The following RASEF variants were observed in gnomAD, a reference collection of about 807,000 sequenced individuals.
RASEF encodes RAS and EF-hand domain containing.
In RASEF, 68 loss-of-function variants were observed where a neutral mutation model predicts 90.1. The observed-to-expected ratio is 0.75, with a 90% CI of 0.62 to 0.92. The LOEUF is 0.92. Ranked by LOEUF, RASEF falls within the 40% of genes least tolerant of loss-of-function variation. The pLI, the probability that RASEF is intolerant of heterozygous loss-of-function variation, is 0.00. For synonymous variants in RASEF, 331 were observed against 345.2 expected, an observed-to-expected ratio of 0.96 and a Z score of 0.46; for missense variants, 949 against 937.2, an observed-to-expected ratio of 1.01 and a Z score of -0.16.
intron 1 of RASEF, 49 bp downstream of exon 1, chr9:83,062,388 C>T: frequency 1.3e-6 from 2 of 1,586,986 alleles, no homozygotes; most frequent in African/African-American, 1.4e-5. Flanking sequence ...TGGGAAGAAG[C>T]AAGCAGGAAG....
intron 5 of RASEF, 149 bp from the exon 6 acceptor site, chr9:83,009,905 C>G: frequency 1.8e-6 from 1 of 546,966 alleles, no homozygotes; most frequent in South Asian, 2.7e-5. Flanking sequence ...TTTGTCAATT[C>G]AAGGTAATTT....
At chr9:83,038,483 T>A (rs148766401) in intron 1 of RASEF, among the ~76,000 whole-genome samples, 4 of 152,010 alleles carry the variant, frequency 2.6e-5, no homozygotes, top group Non-Finnish European at 5.9e-5. Flanking sequence ...ATAGAAAAAA[T>A]TAAGAATACG....
At chr9:83,090,340 G>C in the RASEF span, among the ~76,000 whole-genome samples, 130 of 151,778 alleles carry the variant, frequency 8.6e-4, 2 homozygotes, top group Admixed American at 6.8e-3. Flanking sequence ...CCAATGTCTG[G>C]GATTCCTCCA....
At chr9:83,196,126 C>G in the RASEF span, among the ~76,000 whole-genome samples, 2 of 151,876 alleles carry the variant, frequency 1.3e-5, no homozygotes, top group African/African-American at 2.4e-5. Context: ...ACAAGAGGGG[C>G]AGGTTGAAGT....
chr9:83,011,758 G>A (rs1193844714), intron 5 of RASEF, among the ~76,000 whole-genome samples: 1 of 151,768 alleles, frequency 6.6e-6, no homozygotes, highest in Non-Finnish European at 1.5e-5. Flanking sequence ...AACTCTACAA[G>A]AATGTCATTA....
the RASEF span, among the ~76,000 whole-genome samples, chr9:83,158,548 A>G: frequency 1.3e-5 from 2 of 149,624 alleles, no homozygotes; most frequent in Admixed American, 1.3e-4. Context: ...ACACACATAC[A>G]CACACACATA....
chr9:83,019,328 A>T (rs527554643), intron 3 of RASEF, among the ~76,000 whole-genome samples: 6 of 151,838 alleles, frequency 4.0e-5, no homozygotes, highest in South Asian at 2.1e-4. Flanking sequence ...TTCAGCAAAA[A>T]ATATATATAT....
At chr9:83,089,945 GAT>G in the RASEF span, among the ~76,000 whole-genome samples, 1,339 of 138,860 alleles carry the variant, frequency 9.6e-3, 29 homozygotes, top group African/African-American at 0.034. Flanking sequence ...TAGATAGATA[GAT>G]ATAGATATAT....
chr9:83,132,018 T>C, the RASEF span, among the ~76,000 whole-genome samples: 4 of 152,206 alleles, frequency 2.6e-5, no homozygotes, highest in South Asian at 2.1e-4. Context: ...AAAGATGGTA[T>C]TAATAACAAC....
the RASEF span, among the ~76,000 whole-genome samples, chr9:83,157,179 T>G: frequency 6.6e-6 from 1 of 152,132 alleles, no homozygotes; most frequent in African/African-American, 2.4e-5. Context: ...AAAACTAAGA[T>G]CTGTGGGAAA....
At chr9:82,993,220 A>T (rs1487077098) in intron 14 of RASEF, among the ~76,000 whole-genome samples, 195 bp from the exon 15 acceptor site, 1 of 152,202 alleles carries the variant, frequency 6.6e-6, no homozygotes, top group Non-Finnish European at 1.5e-5. Flanking sequence ...GAGAAAACTG[A>T]AATTCAGAGA....
intron 16 of RASEF, among the ~76,000 whole-genome samples, chr9:82,989,555 C>T (rs1241825462): frequency 6.6e-6 from 1 of 152,096 alleles, no homozygotes; most frequent in East Asian, 1.9e-4. Flanking sequence ...AAAGATATTG[C>T]AAAGTATTTT....
the RASEF span, among the ~76,000 whole-genome samples, chr9:83,214,981 A>T: frequency 1.1e-4 from 17 of 151,476 alleles, no homozygotes; most frequent in African/African-American, 4.1e-4. Context: ...ACCCATATAA[A>T]CCCTGAACCC....
intron 7 of RASEF, among the ~76,000 whole-genome samples, chr9:83,006,217 C>T (rs1332212680): frequency 6.6e-6 from 1 of 152,182 alleles, no homozygotes; most frequent in Non-Finnish European, 1.5e-5. Flanking sequence ...CCAATGCTCC[C>T]CTTAGGGGAC....
At chr9:83,088,415 C>T in the RASEF span, among the ~76,000 whole-genome samples, 1 of 96,012 alleles carries the variant, frequency 1.0e-5, no homozygotes, top group Non-Finnish European at 2.3e-5. Context: ...GATAGATACA[C>T]AGATAATATG....
the RASEF span, among the ~76,000 whole-genome samples, chr9:83,184,410 G>C: frequency 6.6e-6 from 1 of 152,150 alleles, no homozygotes; most frequent in Non-Finnish European, 1.5e-5. Flanking sequence ...TAGCTTGTGG[G>C]GAATGCCCCT....
At chr9:83,098,522 A>G in the RASEF span, among the ~76,000 whole-genome samples, 1 of 152,172 alleles carries the variant, frequency 6.6e-6, no homozygotes, top group South Asian at 2.1e-4. Context: ...TATCTCCCTA[A>G]TATCATTATA....
At chr9:83,006,228 A>G (rs1829128234) in intron 7 of RASEF, among the ~76,000 whole-genome samples, 1 of 152,182 alleles carries the variant, frequency 6.6e-6, no homozygotes, top group Non-Finnish European at 1.5e-5. Flanking sequence ...CTTAGGGGAC[A>G]TGTACCTTTC....
the RASEF span, among the ~76,000 whole-genome samples, chr9:83,126,880 G>T: frequency 1.1e-3 from 163 of 152,152 alleles, no homozygotes; most frequent in African/African-American, 3.5e-3. Context: ...GCTATTATGG[G>T]CCAGAAAGAC....
Sources: gnomAD v4.1 joint callset for allele counts (sites outside exome capture counted in the v4.1 genomes callset) on GRCh38, gnomAD v4.1.1 for gene constraint, MANE v1.5 for transcripts, NCBI Gene and HGNC (gene_info 2026-07-23, HGNC 2026-07-21) for gene names.